ADGRD1: variants seen among roughly 807,000 people sequenced by gnomAD.
ADGRD1 encodes G-protein coupled receptor 133.
Under a neutral mutation model 113.4 loss-of-function variants are expected in ADGRD1, and 77 were observed. That is an observed-to-expected ratio of 0.68 (90% confidence interval 0.57 to 0.82). The LOEUF is 0.82. Among genes scored for constraint, ADGRD1 ranks in the 40% least tolerant of loss-of-function variants. The pLI, the probability that ADGRD1 is intolerant of heterozygous loss-of-function variation, is 0.00. For synonymous variants in ADGRD1, 474 were observed against 475.0 expected (o/e 1.00, Z 0.03); for missense variants, 1,036 against 1,139.1 (o/e 0.91, Z 1.30).
At position 131,089,191 on chromosome 12, in the gene ADGRD1, G is replaced by C. The variant is rs573263387; in HGVS notation, c.1671+4528G>C. Among the ~76,000 whole-genome samples the C allele has an allele frequency of 5.9e-5, 9 of 152,348 alleles. No individual in the cohort carries two copies. The East Asian group carries it at 1.7e-3, about 29-fold the overall frequency. On this transcript the variant is annotated intron_variant, in intron 15 of 24. Coordinates refer to ENST00000261654, the MANE Select transcript of ADGRD1 (RefSeq NM_198827.5). The stretch of plus-strand genomic sequence containing the variant: ...GAACTTCCCTTGTCGCAGGAGCTGA[G>C]GGGGGAACTGGAGAGACAGGTCCTC...
At chr12:131,108,596 C>T in intron 17 of ADGRD1, 128 bp from the exon 18 acceptor site, 2 of 1,310,604 alleles carry the variant, frequency 1.5e-6, no homozygotes, top group Non-Finnish European at 2.2e-6. Flanking sequence ...AGGAAGATAC[C>T]CTGGGAAGAA....
rs138907259 is a variant in ADGRD1 at position 131,132,888 on chromosome 12, C to T, written c.2267+1072C>T. On this transcript the variant is annotated intron_variant, in intron 21 of 24. Transcript: ENST00000261654. Reference sequence around the variant, plus strand: ...CATTCTGTACTGTTACTTCAGCCACCGCGTATCTGTTCTGATGTGAAAGCA... The same window carrying T: ...CATTCTGTACTGTTACTTCAGCCACTGCGTATCTGTTCTGATGTGAAAGCA... Among the ~76,000 whole-genome samples the T allele has an allele frequency of 3.9e-5, 6 of 152,310 alleles. No homozygotes were observed. The East Asian group carries it at 5.8e-4, about 15-fold the overall frequency.
intron 12 of ADGRD1, among the ~76,000 whole-genome samples, chr12:131,010,158 C>G (rs1043907745): frequency 6.6e-6 from 1 of 152,212 alleles, no homozygotes; most frequent in African/African-American, 2.4e-5. Flanking sequence ...AAGAATTCAC[C>G]ATCACCCAAG....
chr12:131,132,460 A>G (rs1950958946), intron 21 of ADGRD1, among the ~76,000 whole-genome samples: 1 of 152,214 alleles, frequency 6.6e-6, no homozygotes, highest in African/African-American at 2.4e-5. Flanking sequence ...GGACTCACTG[A>G]CGCAGCTGAC....
At chr12:131,028,218 CT>C in intron 13 of ADGRD1, among the ~76,000 whole-genome samples, 1 of 151,992 alleles carries the variant, frequency 6.6e-6, no homozygotes, top group Non-Finnish European at 1.5e-5. Context: ...TGTTGGTGAC[CT>C]TTTTATGTTT....
At chr12:131,033,829 G>A (rs1284653717) in intron 13 of ADGRD1, among the ~76,000 whole-genome samples, 3 of 152,164 alleles carry the variant, frequency 2.0e-5, no homozygotes, top group African/African-American at 4.8e-5. Context: ...TCCCTGAGCC[G>A]CGTGGGTGAA....
chr12:131,116,187 A>G (rs1950459241), intron 18 of ADGRD1, among the ~76,000 whole-genome samples: 1 of 152,130 alleles, frequency 6.6e-6, no homozygotes. Context: ...GTCCTTACCC[A>G]TGGCTTGGCC....
chr12:131,036,715 G>GTA (rs1881473930), intron 13 of ADGRD1, among the ~76,000 whole-genome samples: 12 of 122,012 alleles, frequency 9.8e-5, no homozygotes, highest in Non-Finnish European at 1.6e-4. Flanking sequence ...CTCACTCACC[G>GTA]CACCGGGCCT....
At chr12:130,968,164 A>C (rs1169526987) in intron 3 of ADGRD1, 2 of 152,210 alleles carry the variant, frequency 1.3e-5, no homozygotes, top group Non-Finnish European at 2.9e-5. Context: ...GTGGTGGCTT[A>C]AATCAGTAAC....
rs973192948 is a variant in ADGRD1, at chr12:131,140,294, C to T, written c.*1031C>T. 7 of 152,196 alleles carry T rather than the reference C, an allele frequency of 4.6e-5. No homozygotes were observed. The highest frequency in any genetic ancestry group is 4.6e-4 in the Admixed American group (7 of 15,274). The allele number at this position is 152,196 out of a possible 1,614,324, so 9.4% of individuals were successfully genotyped here. A position where few individuals can be genotyped will look rare whatever the true frequency, so the allele number is the denominator to read the frequency against. ...AGCACAGTGCGCTCCGTCTGGTCACCATGAGACCGACCTGCGCTGAGTCCC... is the reference window on the plus strand; with the variant it reads ...AGCACAGTGCGCTCCGTCTGGTCACTATGAGACCGACCTGCGCTGAGTCCC... On this transcript the variant is annotated 3_prime_UTR_variant, in exon 25 of 25. Coordinates refer to ENST00000261654, the MANE Select transcript of ADGRD1 (RefSeq NM_198827.5).
intron 8 of ADGRD1, among the ~76,000 whole-genome samples, chr12:130,997,884 A>T (rs1875806005): frequency 6.6e-6 from 1 of 152,232 alleles, no homozygotes; most frequent in African/African-American, 2.4e-5. Context: ...GCTAGCCCAG[A>T]TCACGCCACT....
rs1323148082 is a variant in ADGRD1, at chr12:131,041,530, C to T, written c.1473+27190C>T. Among the ~76,000 whole-genome samples the T allele has an allele frequency of 5.3e-5, 8 of 152,050 alleles. No individual in the cohort carries two copies. Among genetic ancestry groups the T allele is most frequent in the East Asian group, 3.9e-4 (2 of 5,184 alleles). Reference sequence around the variant, plus strand: ...CCACTTTGTGACCTCCGCAGGGAGACGGAGACTGTGGTGGCCAGGACAGCA... The same window carrying T: ...CCACTTTGTGACCTCCGCAGGGAGATGGAGACTGTGGTGGCCAGGACAGCA... On this transcript the variant is annotated intron_variant, in intron 13 of 24. Transcript: ENST00000261654. This position sits in a 1 kb window ranked among gnomAD's most constrained non-coding sequence, Gnocchi z 4.4.
At chr12:130,986,587 G>A (rs1355535885) in intron 5 of ADGRD1, among the ~76,000 whole-genome samples, 1 of 152,054 alleles carries the variant, frequency 6.6e-6, no homozygotes, top group African/African-American at 2.4e-5. Flanking sequence ...CATCATCTGT[G>A]AATAAATATA....
At chr12:131,093,969 GC>G (rs779186799) in intron 15 of ADGRD1, among the ~76,000 whole-genome samples, 6,571 of 101,052 alleles carry the variant, frequency 0.065, 225 homozygotes, top group East Asian at 0.15. Context: ...TCAGCACCCA[GC>G]CCTGAGCACC....
intron 13 of ADGRD1, among the ~76,000 whole-genome samples, chr12:131,062,283 G>A (rs1324474820): frequency 1.3e-5 from 2 of 152,176 alleles, no homozygotes; most frequent in African/African-American, 2.4e-5. Flanking sequence ...GTGAGCCACC[G>A]CGCCTGACCA....
intron 8 of ADGRD1, among the ~76,000 whole-genome samples, chr12:130,996,404 G>T (rs1875361613): frequency 9.1e-6 from 1 of 110,358 alleles, no homozygotes; most frequent in South Asian, 2.8e-4. Context: ...CCGGGCGGGG[G>T]GCTGACCCCC....
intron 2 of ADGRD1, among the ~76,000 whole-genome samples, chr12:130,964,616 C>T (rs1192849797): frequency 2.0e-5 from 3 of 152,110 alleles, no homozygotes; most frequent in Non-Finnish European, 4.4e-5. Flanking sequence ...ACCCAGGAGG[C>T]GGAGGTTGCA....
rs1212333596 is a variant in ADGRD1, at chr12:131,113,681, G to A, written c.2042-4704G>A. ...GGCAGCCACCTCCAGACTGCGGCTG[G>A]TCATGCAGGGAGCTCCCCGAGTCAC... On this transcript the variant is annotated intron_variant, in intron 18 of 24. Transcript: ENST00000261654. This position sits in a 1 kb window ranked among gnomAD's most constrained non-coding sequence, Gnocchi z 4.9. Among the ~76,000 whole-genome samples, 2 of 152,180 alleles carry A rather than the reference G, an allele frequency of 1.3e-5. No individual in the cohort carries two copies. The highest frequency in any genetic ancestry group is 2.9e-5 in the Non-Finnish European group (2 of 68,018).
chr12:131,104,868 G>T lies in ADGRD1; in HGVS notation c.1709G>T (p.Ser570Ile). 6.4e-7 allele frequency: 1 copy of T among 1,550,782 alleles called. No individual in the cohort carries two copies. ...CACCAGGTGGCGCTGTCGTCTATCA[G>T]CTATGTGGGCTGCTCCCTCTCCGTG... ...RGHQVALSSI[S>I]YVGCSLSVLC... Residue 570 changes from serine (S) to isoleucine (I), a missense_variant, in exon 16 of 25, where the codon AGC (serine) becomes ATC (isoleucine). By Grantham distance (142) the Ser-to-Ile change is moderately radical. Coordinates refer to ENST00000261654, the MANE Select transcript of ADGRD1 (RefSeq NM_198827.5).
Sources: gnomAD v4.1 joint callset for allele counts (sites outside exome capture counted in the v4.1 genomes callset) on GRCh38, gnomAD v4.1.1 for gene constraint, Gnocchi (gnomAD v3.1) non-coding constraint, MANE v1.5 for transcripts, NCBI Gene and HGNC (gene_info 2026-07-23, HGNC 2026-07-21) for gene names.